Variants in ZBTB7C observed in about 807,000 individuals in gnomAD.
ZBTB7C encodes zinc finger and BTB domain-containing protein 7C.
A neutral mutation model predicts 25.7 loss-of-function variants in ZBTB7C; 8 were observed. The ratio of observed to expected loss-of-function variants is 0.31; its 90% CI spans 0.18 to 0.56. The LOEUF (loss-of-function observed/expected upper bound fraction) is 0.56, where lower values mean the gene tolerates loss of function less well. Among genes scored for constraint, ZBTB7C ranks in the 20% least tolerant of loss-of-function variants. ZBTB7C has a pLI of 0.91. For missense variants in ZBTB7C, 824 were observed against 855.2 expected (o/e 0.96, Z 0.46); for synonymous variants, 394 against 369.0 (o/e 1.07, Z -0.78).
At chr18:48,268,544 G>A (rs1468858499) in intron 2 of ZBTB7C, among the ~76,000 whole-genome samples, 1 of 152,154 alleles carries the variant, frequency 6.6e-6, no homozygotes, top group African/African-American at 2.4e-5. Context: ...AGATATCAAG[G>A]GTGAGGGATG....
At chr18:48,143,201 T>C (rs2040401209) in intron 3 of ZBTB7C, among the ~76,000 whole-genome samples, 1 of 152,008 alleles carries the variant, frequency 6.6e-6, no homozygotes, top group Non-Finnish European at 1.5e-5. Flanking sequence ...GGGTTGAGGG[T>C]GGGGAGGTGA....
intron 3 of ZBTB7C, among the ~76,000 whole-genome samples, chr18:48,167,792 T>TGA (rs1368852173): frequency 1.3e-5 from 2 of 152,202 alleles, no homozygotes; most frequent in African/African-American, 4.8e-5. Flanking sequence ...AAGGTTTCTT[T>TGA]GAGAAGATGC....
rs539823428 is a variant in ZBTB7C, at chr18:48,119,132, ACT to A, written c.-17+66800_-17+66801del. On this transcript the variant is annotated intron_variant, in intron 3 of 4. Coordinates refer to ENST00000590800, the MANE Select transcript of ZBTB7C (RefSeq NM_001318841.2). ...CAGTAGGTTCACGGTGGGTCCCAAG[ACT>A]CTGCATTTCCAGCAAATTCCCAGGT... Among the ~76,000 whole-genome samples the A allele has an allele frequency of 9.1e-4, 139 of 152,056 alleles. 1 individual carries two copies. Among genetic ancestry groups the A allele is most frequent in the African/African-American group, 3.1e-3 (128 of 41,476 alleles).
intron 2 of ZBTB7C, among the ~76,000 whole-genome samples, chr18:48,188,090 A>G (rs367721653): frequency 3.2e-4 from 49 of 152,338 alleles, no homozygotes; most frequent in African/African-American, 1.2e-3. Flanking sequence ...ACTTCAGTCC[A>G]TCTTCATTTT....
intron 3 of ZBTB7C, among the ~76,000 whole-genome samples, chr18:48,129,715 C>A (rs1267809197): frequency 6.6e-6 from 1 of 152,236 alleles, no homozygotes; most frequent in East Asian, 1.9e-4. Context: ...AGTTTCCTCA[C>A]CTGGCCTCTC....
intron 3 of ZBTB7C, among the ~76,000 whole-genome samples, chr18:48,067,951 A>G (rs1242168696): frequency 6.6e-6 from 1 of 152,086 alleles, no homozygotes; most frequent in Non-Finnish European, 1.5e-5. Flanking sequence ...CAGTGAGCCA[A>G]GATTGCACCA....
chr18:48,384,861 TA>T (rs1301279156), intron 1 of ZBTB7C, among the ~76,000 whole-genome samples: 5 of 152,120 alleles, frequency 3.3e-5, no homozygotes, highest in Non-Finnish European at 5.9e-5. Context: ...TTTGTATTTT[TA>T]GTAGAGACGA....
chr18:48,352,177 A>G (rs752755118), intron 1 of ZBTB7C, among the ~76,000 whole-genome samples: 2 of 152,220 alleles, frequency 1.3e-5, no homozygotes, highest in Non-Finnish European at 2.9e-5. Context: ...GTCACCTGGC[A>G]TGGCAGCCAC....
chr18:48,404,796 A>T (rs964145563), intron 1 of ZBTB7C, among the ~76,000 whole-genome samples: 2 of 152,202 alleles, frequency 1.3e-5, no homozygotes, highest in Admixed American at 6.5e-5. Flanking sequence ...ACCCATGCCC[A>T]GCCCGCAGCA....
chr18:48,141,339 C>G (rs771192107), intron 3 of ZBTB7C, among the ~76,000 whole-genome samples: 1 of 152,214 alleles, frequency 6.6e-6, no homozygotes, highest in East Asian at 1.9e-4. Context: ...GATTCATGCT[C>G]GCATTGATTT....
rs1220878233 is a variant in ZBTB7C at position 48,353,721 on chromosome 18, C to T, written c.-303-15323G>A. On this transcript the variant is annotated intron_variant, in intron 1 of 4. Transcript: ENST00000590800. ...GCATGAAAAGCCGGATGGGGCTGGC[C>T]TGGTTGCAATGGCACACGCTAGGTT... 3.9e-5 allele frequency among the ~76,000 whole-genome samples: 6 copies of T among 152,148 alleles called. No homozygotes were observed. The East Asian group carries it at 9.6e-4, about 24-fold the overall frequency.
At chr18:48,262,288 G>T (rs543661681) in intron 2 of ZBTB7C, among the ~76,000 whole-genome samples, 8 of 152,274 alleles carry the variant, frequency 5.3e-5, no homozygotes, top group Non-Finnish European at 1.0e-4. Flanking sequence ...CCAGCCTCAG[G>T]AGAGTTCAGT....
chr18:48,391,811 C>A (rs2047909319), intron 1 of ZBTB7C, among the ~76,000 whole-genome samples: 1 of 152,192 alleles, frequency 6.6e-6, no homozygotes, highest in Admixed American at 6.5e-5. Flanking sequence ...GGTGTTGTAG[C>A]CTAGGGCCTC....
At chr18:48,207,336 G>A (rs1040242461) in intron 2 of ZBTB7C, among the ~76,000 whole-genome samples, 5 of 152,126 alleles carry the variant, frequency 3.3e-5, no homozygotes, top group Non-Finnish European at 7.4e-5. Context: ...AGATATTTAT[G>A]TACAACACAA....
At chr18:48,376,723 C>T (rs1451922990) in intron 1 of ZBTB7C, among the ~76,000 whole-genome samples, 1 of 152,218 alleles carries the variant, frequency 6.6e-6, no homozygotes, top group African/African-American at 2.4e-5. Flanking sequence ...GGCTGTAAGG[C>T]CTGTCCAGCC....
intron 3 of ZBTB7C, among the ~76,000 whole-genome samples, chr18:48,129,821 T>C (rs1045768913): frequency 1.4e-5 from 2 of 147,896 alleles, no homozygotes; most frequent in Non-Finnish European, 3.0e-5. Context: ...TTTCAGTCCC[T>C]ACAGCACAGC....
intron 3 of ZBTB7C, among the ~76,000 whole-genome samples, chr18:48,179,811 C>CCTTCCTTT (rs1234555714): frequency 6.8e-6 from 1 of 147,610 alleles, no homozygotes; most frequent in African/African-American, 2.5e-5. Context: ...TTCCTTATTT[C>CCTTCCTTT]CTTCCTTCCT....
chr18:48,213,212 ATCCTCAATCCTGCTG>A (rs1296418623), intron 2 of ZBTB7C, among the ~76,000 whole-genome samples: 1 of 152,164 alleles, frequency 6.6e-6, no homozygotes, highest in Non-Finnish European at 1.5e-5. Flanking sequence ...CCTAGACACA[ATCCTCAATCCTGCTG>A]TCCTTTAACT....
intron 2 of ZBTB7C, among the ~76,000 whole-genome samples, chr18:48,318,805 C>CGTCTT (rs2046017127): frequency 6.6e-6 from 1 of 152,188 alleles, no homozygotes; most frequent in South Asian, 2.1e-4. Context: ...AGGCCCCCGC[C>CGTCTT]GTCTTCTGGG....
Sources: allele counts gnomAD v4.1 joint callset (sites outside exome capture counted in the v4.1 genomes callset), GRCh38; gene constraint gnomAD v4.1.1; transcripts MANE v1.5; gene names NCBI Gene and HGNC (gene_info 2026-07-23, HGNC 2026-07-21).